The following SOX6 variants were observed in gnomAD, a reference collection of about 807,000 sequenced individuals.
The protein encoded by SOX6 is SRY-box transcription factor 6.
SOX6 carries 11 observed loss-of-function variants against 97.8 expected under a neutral mutation model. The observed-to-expected ratio is 0.11, with a 90% confidence interval of 0.07 to 0.19. The LOEUF is 0.19. Ranked by LOEUF, SOX6 falls within the 10% of genes least tolerant of loss-of-function variation. The pLI, the probability that SOX6 is intolerant of heterozygous loss-of-function variation, is 1.00. For synonymous variants in SOX6, 360 were observed against 371.4 expected (o/e 0.97, Z 0.35); for missense variants, 810 against 1,039.5 (o/e 0.78, Z 3.04).
chr11:16,312,706 A>C, intron 3 of SOX6: 1 of 151,886 alleles, frequency 6.6e-6, no homozygotes, highest in East Asian at 1.9e-4. Flanking sequence ...AAGCCAAAGG[A>C]CTCTCTGATT....
At chr11:16,361,171 G>A (rs977570970), upstream of SOX6, among the ~76,000 whole-genome samples, 2 of 152,034 alleles carry the variant, frequency 1.3e-5, no homozygotes, top group Non-Finnish European at 2.9e-5. Flanking sequence ...AATCAAAAAT[G>A]TTAAGTGACT....
chr11:16,725,201 T>C (rs1052568360), intron 2 of SOX6, among the ~76,000 whole-genome samples: 2 of 152,208 alleles, frequency 1.3e-5, no homozygotes, highest in African/African-American at 4.8e-5. Context: ...GAAGTACTGA[T>C]ACATTCAACA....
At chr11:16,186,356 A>C (rs1851475023) in intron 5 of SOX6, among the ~76,000 whole-genome samples, 1 of 152,162 alleles carries the variant, frequency 6.6e-6, no homozygotes. Flanking sequence ...TGGACTTTAA[A>C]CCTGAAGAAA....
chr11:16,663,371 T>C (rs1031440870), intron 3 of SOX6, among the ~76,000 whole-genome samples: 15 of 152,190 alleles, frequency 9.9e-5, no homozygotes, highest in African/African-American at 3.6e-4. Flanking sequence ...TCAACCAACC[T>C]GGAGTGCAAT....
Position 15,989,037 on chromosome 11 carries a change from G to A in SOX6, c.1926C>T (p.Ala642=). ...TGTTGGAGTTATGCATGTCGGGGAA[G>A]GCCTGAAGGATTTTTCTCCTCTCAT... The part of the protein sequence containing the change: ...AKDERRKILQ[A]FPDMHNSNIS... Residue 642 remains alanine (A), a synonymous_variant, in exon 14 of 16, where the codon GCC becomes GCT. Transcript: ENST00000683767. The A allele has an allele frequency of 6.2e-7, 1 of 1,614,184 alleles. No individual in the cohort carries two copies. The highest frequency in any genetic ancestry group is 8.5e-7 in the Non-Finnish European group (1 of 1,180,012).
chr11:16,204,576 A>G (rs1490936087), intron 4 of SOX6, among the ~76,000 whole-genome samples: 3 of 116,260 alleles, frequency 2.6e-5, no homozygotes, highest in East Asian at 2.3e-4. Context: ...GAAAGAAAGA[A>G]AAAAAACAAC....
In SOX6 at chr11:16,412,331, G is replaced by C. The variant is rs867540508; in HGVS notation, c.-5+63984C>G. ...ATCGCAAATATTAGGTGAGACAATGGACATTAAAATATTTCTCCAAATCAG... is the reference window on the plus strand; with the variant it reads ...ATCGCAAATATTAGGTGAGACAATGCACATTAAAATATTTCTCCAAATCAG... On this transcript the variant is annotated intron_variant, in intron 1 of 15. Coordinates refer to the SOX6 transcript ENST00000396356. 3.3e-5 allele frequency among the ~76,000 whole-genome samples: 5 copies of C among 152,240 alleles called. No homozygotes were observed. In the Middle Eastern group the frequency reaches 0.014, roughly 414 times the overall value.
chr11:16,421,879 C>T lies in SOX6; in HGVS notation c.-5+54436G>A, dbSNP rs117960626. ...AGTCATTGCCCAACTTACTTTCCAA[C>T]CATCTGCATTAAATATGCTTCATTA... On this transcript the variant is annotated intron_variant, in intron 1 of 15. Coordinates refer to the SOX6 transcript ENST00000396356. 3.5e-3 allele frequency among the ~76,000 whole-genome samples: 529 copies of T among 152,308 alleles called. 1 individual carries two copies. The highest frequency in any genetic ancestry group is 5.5e-3 in the Non-Finnish European group (377 of 68,014).
At chr11:16,207,648 G>A (rs975945600) in intron 4 of SOX6, among the ~76,000 whole-genome samples, 1 of 151,176 alleles carries the variant, frequency 6.6e-6, no homozygotes, top group African/African-American at 2.4e-5. Flanking sequence ...TATTTATTGA[G>A]GACATTTTAT....
At chr11:16,477,265 G>A (rs553192551), upstream of SOX6, among the ~76,000 whole-genome samples, 4 of 152,104 alleles carry the variant, frequency 2.6e-5, no homozygotes, top group Non-Finnish European at 4.4e-5. Flanking sequence ...CTGGGGACTG[G>A]CTTGATTCAA....
At chr11:16,328,041 T>C (rs146810159) in intron 2 of SOX6, among the ~76,000 whole-genome samples, 1 of 152,284 alleles carries the variant, frequency 6.6e-6, no homozygotes, top group Non-Finnish European at 1.5e-5. Flanking sequence ...TTGTAGCCTC[T>C]CCAGTTGCAA....
intron 3 of SOX6, among the ~76,000 whole-genome samples, chr11:16,241,148 G>A (rs999681830): frequency 5.3e-5 from 8 of 151,926 alleles, no homozygotes; most frequent in African/African-American, 1.9e-4. Context: ...GCTTTATTTT[G>A]TTTGAATTAA....
Position 16,607,975 on chromosome 11 carries a change from A to G in SOX6, n.609+4106T>C, listed in dbSNP as rs1393546318. ...GGAGGGCAGAGACATCGGCGAGACC[A>G]GAGGTTGGAACTGGGGAAAGCGCCT... On this transcript the variant is annotated intron_variant and non_coding_transcript_variant, in intron 4 of 5. Transcript: ENST00000524520. The surrounding 1 kb of genome is among the most constrained non-coding windows in gnomAD (Gnocchi z 6.5). 6.6e-6 allele frequency among the ~76,000 whole-genome samples: 1 copy of G among 152,098 alleles called. No homozygotes were observed.
chr11:16,428,359 T>C (rs569901882), intron 1 of SOX6, among the ~76,000 whole-genome samples: 21 of 152,376 alleles, frequency 1.4e-4, no homozygotes, highest in African/African-American at 4.6e-4. Flanking sequence ...TTTTGGCTTT[T>C]GTTGCCATTG....
chr11:16,692,160 G>C (rs1365419730), intron 3 of SOX6, among the ~76,000 whole-genome samples: 1 of 151,228 alleles, frequency 6.6e-6, no homozygotes, highest in Non-Finnish European at 1.5e-5. Context: ...TGCAACCTCT[G>C]TCTCCAGGTT....
chr11:16,568,167 C>G (rs1444020416), intron 4 of SOX6, among the ~76,000 whole-genome samples: 1 of 151,958 alleles, frequency 6.6e-6, no homozygotes, highest in Non-Finnish European at 1.5e-5. Context: ...TGGGTCCCAT[C>G]CCCAAGATAT....
At chr11:16,190,621 G>A (rs1016634928) in intron 4 of SOX6, among the ~76,000 whole-genome samples, 3 of 152,130 alleles carry the variant, frequency 2.0e-5, no homozygotes, top group African/African-American at 7.2e-5. Context: ...ATTTTGAATA[G>A]TGGCATTAAA....
chr11:15,978,745 T>C (rs1423481082), intron 15 of SOX6, among the ~76,000 whole-genome samples: 2 of 142,668 alleles, frequency 1.4e-5, no homozygotes, highest in Non-Finnish European at 3.1e-5. Context: ...ATGCTTATTA[T>C]ATATATATAT....
chr11:15,979,042 C>CATATATAT lies in SOX6; in HGVS notation c.2184-5938_2184-5931dup, dbSNP rs57062569. On this transcript the variant is annotated intron_variant, in intron 15 of 15. Coordinates refer to ENST00000683767, the MANE Select transcript of SOX6 (RefSeq NM_001367873.1). The stretch of plus-strand genomic sequence containing the variant: ...AACTGCTTATTTTATATATATTTTA[C>CATATATAT]ATATATATATATATATATATATAAA... Among the ~76,000 whole-genome samples the CATATATAT allele has an allele frequency of 6.8e-3, 723 of 107,090 alleles. 8 individuals carry two copies. The highest frequency in any genetic ancestry group is 0.021 in the African/African-American group (586 of 27,444). 70.3% of individuals were successfully genotyped at this position (107,090 alleles called of 152,430 possible).
Sources: allele counts gnomAD v4.1 joint callset (sites outside exome capture counted in the v4.1 genomes callset), GRCh38; gene constraint gnomAD v4.1.1; non-coding constraint Gnocchi (gnomAD v3.1); transcripts MANE v1.5; gene names NCBI Gene and HGNC (gene_info 2026-07-23, HGNC 2026-07-21).